Variants in SLC27A6 observed in about 807,000 individuals in gnomAD.
SLC27A6 encodes solute carrier family 27 member 6.
A neutral mutation model predicts 63.9 loss-of-function variants in SLC27A6; 74 were observed. The ratio of observed to expected loss-of-function variants is 1.16; its 90% CI spans 0.96 to 1.40. SLC27A6 has a LOEUF of 1.40. Ranked by LOEUF, SLC27A6 falls within the 40% of genes most tolerant of loss-of-function variation. The probability of loss-of-function intolerance (pLI) is 0.00; values close to 1 mark genes in which losing one functional copy is unlikely to be tolerated. For synonymous variants in SLC27A6, 287 were observed against 260.8 expected (o/e 1.10, Z -0.97); for missense variants, 794 against 732.9 (o/e 1.08, Z -0.96).
At chr5:128,986,564 G>A (rs1013893870) in intron 2 of SLC27A6, among the ~76,000 whole-genome samples, 7 of 152,034 alleles carry the variant, frequency 4.6e-5, no homozygotes, top group African/African-American at 1.7e-4. Context: ...TTTTAGACTG[G>A]AGAATATAAT....
At chr5:128,978,405 T>C (rs1332981610) in intron 1 of SLC27A6, among the ~76,000 whole-genome samples, 1 of 152,214 alleles carries the variant, frequency 6.6e-6, no homozygotes, top group Non-Finnish European at 1.5e-5. Context: ...TATAGCACTT[T>C]ACCTGTCTCC....
At chr5:129,015,133 A>G (rs1357480361) in intron 4 of SLC27A6, among the ~76,000 whole-genome samples, 1 of 152,120 alleles carries the variant, frequency 6.6e-6, no homozygotes, top group African/African-American at 2.4e-5. Context: ...CAAATAATGG[A>G]TTTATTGTGA....
At position 128,965,798 on chromosome 5, in the gene SLC27A6, GGTT is replaced by G. The variant is rs1305273236; in HGVS notation, c.-338_-336del. On this transcript the variant is annotated 5_prime_UTR_variant, in exon 1 of 10. Coordinates refer to ENST00000262462, the MANE Select transcript of SLC27A6 (RefSeq NM_001017372.3). ...CTCGCAGGGCACGGGCCGCTGTCGCGGTTGGGAGGCGAGGGCGCAGCGCTGGGG... is the reference window on the plus strand; with the variant it reads ...CTCGCAGGGCACGGGCCGCTGTCGCGGGGAGGCGAGGGCGCAGCGCTGGGG... The G allele has an allele frequency of 7.7e-5, 17 of 220,022 alleles. No homozygotes were observed. Among genetic ancestry groups the G allele is most frequent in the Admixed American group, 3.7e-4 (7 of 19,046 alleles). The allele number at this position is 220,022 out of a possible 1,614,324, so 13.6% of individuals were successfully genotyped here.
At chr5:128,998,815 TG>T (rs1267527229) in intron 4 of SLC27A6, among the ~76,000 whole-genome samples, 1 of 152,196 alleles carries the variant, frequency 6.6e-6, no homozygotes, top group East Asian at 1.9e-4. Flanking sequence ...GGTTAATCTT[TG>T]TTCTGCAGTG....
intron 4 of SLC27A6, among the ~76,000 whole-genome samples, chr5:128,993,845 C>A (rs557574486): frequency 7.2e-4 from 102 of 142,424 alleles, no homozygotes; most frequent in African/African-American, 2.4e-3. Context: ...TGGTGGTTCA[C>A]GCCTGTAATC....
At chr5:129,021,333 TCTA>T (rs760685414) in intron 5 of SLC27A6, among the ~76,000 whole-genome samples, 23 of 152,184 alleles carry the variant, frequency 1.5e-4, no homozygotes, top group Middle Eastern at 3.4e-3. Flanking sequence ...TGTTCCCGAC[TCTA>T]CTACTATTTC....
chr5:129,007,251 C>G (rs1288439139), intron 4 of SLC27A6, among the ~76,000 whole-genome samples: 1 of 151,742 alleles, frequency 6.6e-6, no homozygotes, highest in African/African-American at 2.4e-5. Flanking sequence ...CAGGACCAGC[C>G]TGGCCAAGAT....
intron 5 of SLC27A6, among the ~76,000 whole-genome samples, chr5:129,021,588 C>T (rs560094796): frequency 6.6e-6 from 1 of 152,282 alleles, no homozygotes; most frequent in South Asian, 2.1e-4. Context: ...TGCAGCTGTG[C>T]TCCAGACATG....
Position 128,981,720 on chromosome 5 carries a change from C to T in SLC27A6, c.482-3413C>T, listed in dbSNP as rs192090754. Among the ~76,000 whole-genome samples, 7 of 152,072 alleles carry T rather than the reference C, an allele frequency of 4.6e-5. No individual in the cohort carries two copies. In the East Asian group the frequency reaches 1.4e-3, roughly 29 times the overall value. On this transcript the variant is annotated intron_variant, in intron 1 of 9. Transcript: ENST00000262462. ...AAATCCTCATGAGATAAAGTCATTTCCTTAAAGTATTTAAACAAATGCTAT... is the reference window on the plus strand; with the variant it reads ...AAATCCTCATGAGATAAAGTCATTTTCTTAAAGTATTTAAACAAATGCTAT...
Position 128,966,754 on chromosome 5 carries a change from T to G in SLC27A6, c.481+136T>G, listed in dbSNP as rs557204186. On this transcript the variant is annotated intron_variant, in intron 1 of 9. Transcript: ENST00000262462. ...TGCATGTTAAGAGTACAAAATAGTT[T>G]TATGATTCTATGCTGGTTTAACAAC... is the stretch of plus-strand genomic sequence containing the variant. 151 of 922,388 alleles carry G rather than the reference T, an allele frequency of 1.6e-4. No homozygotes were observed. The African/African-American group carries it at 2.2e-3, about 13-fold the overall frequency. 57.1% of individuals were successfully genotyped at this position (922,388 alleles called of 1,614,324 possible). A position where few individuals can be genotyped will look rare whatever the true frequency, so the allele number is the denominator to read the frequency against.
At chr5:129,012,483 A>C (rs1751758090) in intron 4 of SLC27A6, among the ~76,000 whole-genome samples, 1 of 152,130 alleles carries the variant, frequency 6.6e-6, no homozygotes. Context: ...AATTAGGTCA[A>C]GTTGGTTAGT....
chr5:128,985,254 T>C lies in SLC27A6; in HGVS notation c.603T>C (p.Pro201=), dbSNP rs1162822480. The change falls in exon 2 of 10, where the codon CCT becomes CCC. Residue 201 remains proline, a synonymous_variant. Coordinates refer to ENST00000262462, the MANE Select transcript of SLC27A6 (RefSeq NM_001017372.3). The part of the protein sequence containing the change: ...ISLKEKLSTS[P]DEPVPRSHHV... ...TCAAAGAAAAACTGAGCACCTCACC[T>C]GATGAGCCCGTGCCACGCAGCCACC... 6.2e-7 allele frequency: 1 copy of C among 1,614,106 alleles called. No individual in the cohort carries two copies. Among genetic ancestry groups the C allele is most frequent in the Admixed American group, 1.7e-5 (1 of 60,004 alleles).
At chr5:128,981,509 T>A (rs1483221275) in intron 1 of SLC27A6, among the ~76,000 whole-genome samples, 1 of 151,162 alleles carries the variant, frequency 6.6e-6, no homozygotes, top group African/African-American at 2.4e-5. Context: ...AAAATCCAGT[T>A]GTCTCATTTT....
intron 4 of SLC27A6, among the ~76,000 whole-genome samples, chr5:129,002,019 G>T (rs1751351973): frequency 6.6e-6 from 1 of 152,130 alleles, no homozygotes; most frequent in African/African-American, 2.4e-5. Flanking sequence ...CCAGAGTTTT[G>T]GTTCAAGTTG....
intron 4 of SLC27A6, among the ~76,000 whole-genome samples, chr5:129,010,482 AG>A (rs1437057597): frequency 1.3e-5 from 2 of 152,200 alleles, no homozygotes; most frequent in East Asian, 3.8e-4. Context: ...CAGACTTTAA[AG>A]CAGATGATTT....
intron 4 of SLC27A6, among the ~76,000 whole-genome samples, chr5:128,991,077 A>T (rs1273225545): frequency 6.6e-6 from 1 of 152,250 alleles, no homozygotes; most frequent in African/African-American, 2.4e-5. Context: ...GACCCAAAGC[A>T]GGTTGCCACT....
At chr5:128,979,496 A>G (rs1290872183) in intron 1 of SLC27A6, among the ~76,000 whole-genome samples, 2 of 152,136 alleles carry the variant, frequency 1.3e-5, no homozygotes, top group Non-Finnish European at 2.9e-5. Flanking sequence ...AAAAATATAT[A>G]TATCATTTAC....
chr5:129,029,626 A>T lies in SLC27A6; in HGVS notation c.1602A>T (p.Thr534=), dbSNP rs1471903379. The T allele has an allele frequency of 5.0e-6, 8 of 1,600,316 alleles. No individual in the cohort carries two copies. The highest frequency in any genetic ancestry group is 1.1e-5 in the South Asian group (1 of 88,582). The change falls in exon 9 of 10, where the codon ACA becomes ACT. Residue 534 remains threonine (T), a synonymous_variant. Coordinates refer to ENST00000262462, the MANE Select transcript of SLC27A6 (RefSeq NM_001017372.3). ...GMASIILKPN[T]SLDLEKVYEQ... Reference sequence around the variant, plus strand: ...CTTCTATTATTTTAAAACCAAATACATCTTTAGATTTGGAAAAAGTTTATG... The same window carrying T: ...CTTCTATTATTTTAAAACCAAATACTTCTTTAGATTTGGAAAAAGTTTATG...
At chr5:128,979,083 C>T (rs995555752) in intron 1 of SLC27A6, among the ~76,000 whole-genome samples, 1 of 151,690 alleles carries the variant, frequency 6.6e-6, no homozygotes, top group African/African-American at 2.4e-5. Flanking sequence ...AACAGAATAC[C>T]AGGATCATAA....
Sources: gnomAD v4.1 joint callset for allele counts (sites outside exome capture counted in the v4.1 genomes callset) on GRCh38, gnomAD v4.1.1 for gene constraint, MANE v1.5 for transcripts, NCBI Gene and HGNC (gene_info 2026-07-23, HGNC 2026-07-21) for gene names.